TEP1: variants seen among roughly 807,000 people sequenced by gnomAD.
TEP1 encodes telomerase protein component 1.
TEP1 carries 241 observed loss-of-function variants against 306.3 expected under a neutral mutation model. The observed-to-expected ratio is 0.79, with a 90% confidence interval of 0.71 to 0.88. The LOEUF (loss-of-function observed/expected upper bound fraction) is 0.88. Among genes scored for constraint, TEP1 ranks in the 40% least tolerant of loss-of-function variants. The pLI is 0.00. For missense variants in TEP1, 3,051 were observed against 3,276.1 expected (o/e 0.93, Z 1.68); for synonymous variants, 1,289 against 1,305.5 (o/e 0.99, Z 0.27).
chr14:20,390,929 G>T lies in TEP1; in HGVS notation c.2256+9C>A, dbSNP rs1877653993. 2 of 1,614,070 alleles carry T rather than the reference G, an allele frequency of 1.2e-6. No homozygotes were observed. The highest frequency in any genetic ancestry group is 1.7e-6 in the Non-Finnish European group (2 of 1,179,954). On this transcript the variant is annotated intron_variant, in intron 14 of 54. Coordinates refer to ENST00000262715, the MANE Select transcript of TEP1 (RefSeq NM_007110.5). ...TGTATTTTTGGATGGTGGGTGTTGA[G>T]TGTCTGACCTGGACTTGAGCCTGGA...
At chr14:20,375,206 C>T (rs1885103808) in intron 43 of TEP1, among the ~76,000 whole-genome samples, 1 of 151,832 alleles carries the variant, frequency 6.6e-6, no homozygotes, top group Non-Finnish European at 1.5e-5. Flanking sequence ...GAGTTTCACT[C>T]TTGTTGCCCA....
At chr14:20,398,303 G>T (rs887828363) in intron 9 of TEP1, among the ~76,000 whole-genome samples, 9 of 151,416 alleles carry the variant, frequency 5.9e-5, no homozygotes, top group Non-Finnish European at 1.0e-4. Flanking sequence ...ACTTGAACCT[G>T]GGAGGCGGAG....
At chr14:20,377,525 A>T (rs781117929) in intron 40 of TEP1, 33 bp from the exon 41 acceptor site, 13 of 1,612,250 alleles carry the variant, frequency 8.1e-6, no homozygotes, top group Non-Finnish European at 1.1e-5. Context: ...GGAGTAAGAC[A>T]CTTGGGAAGG....
chr14:20,384,757 A>AG, intron 21 of TEP1, 44 bp from the exon 22 acceptor site: 1 of 1,577,852 alleles, frequency 6.3e-7, no homozygotes, highest in African/African-American at 1.3e-5. Flanking sequence ...CTCAGACCCC[A>AG]GCCAGCCTCC....
chr14:20,381,630 C>T lies in TEP1; in HGVS notation c.4481G>A (p.Gly1494Glu). The T allele has an allele frequency of 6.2e-7, 1 of 1,613,882 alleles. No individual in the cohort carries two copies. Among genetic ancestry groups the T allele is most frequent in the Non-Finnish European group, 8.5e-7 (1 of 1,179,950 alleles). ...RPGARLCLPD[G>E]PLRTAAKRCY... is the part of the protein sequence containing the mutation. ...ACGTTTAGCTGCTGTTCTCAGGGGC[C>T]CATCAGGGAGGCACAGCCGGGCACC... The change falls in exon 31 of 55, where the codon GGG becomes GAG. Residue 1494 changes from glycine (G) to glutamate (E), a missense_variant. Around this residue, in one of 3 missense-constraint regions of TEP1, gnomAD observed 1,540 missense variants for 1,705.9 expected, o/e 0.90. Transcript: ENST00000262715. The surrounding 1 kb of genome is among the most constrained non-coding windows in gnomAD (Gnocchi z 4.0).
chr14:20,380,282 G>A lies in TEP1; in HGVS notation c.4956C>T (p.His1652=), dbSNP rs1489496852. 5.6e-6 allele frequency: 9 copies of A among 1,614,074 alleles called. No homozygotes were observed. Among genetic ancestry groups the A allele is most frequent in the Non-Finnish European group, 7.6e-6 (9 of 1,180,040 alleles). ...SLLSRRWHLQ[H]TLRWLNKPRT... ...GGGGTTTATTAAGCCATCGTAGTGT[G>A]TGTTGGAGGTGCCATCTCCGGGAGA... The change falls in exon 34 of 55, where the codon CAC becomes CAT. Residue 1652 remains histidine (H), a synonymous_variant. Transcript: ENST00000262715.
chr14:20,391,314 G>A (rs2139115261), intron 13 of TEP1, among the ~76,000 whole-genome samples: 1 of 152,300 alleles, frequency 6.6e-6, no homozygotes, highest in East Asian at 1.9e-4. Context: ...TCAACACCGG[G>A]ATGTAGTGAG....
rs757247521 is a variant in TEP1, at chr14:20,395,875, A to C, written c.1734T>G (p.Ala578=). The part of the protein sequence containing the change: ...NAHDAIDALE[A]QLRNQALPFP... ...GGAGAATACCTTGATTTCTGAGTTG[A>C]GCCTCGAGGGCATCAATGGCATCAT... The change falls in exon 11 of 55, where the codon GCT becomes GCG. Residue 578 remains alanine (A), a synonymous_variant. Coordinates refer to ENST00000262715, the MANE Select transcript of TEP1 (RefSeq NM_007110.5). 4 of 1,613,936 alleles carry C rather than the reference A, an allele frequency of 2.5e-6. No individual in the cohort carries two copies. The highest frequency in any genetic ancestry group is 3.4e-6 in the Non-Finnish European group (4 of 1,179,884).
chr14:20,405,520 G>A lies in TEP1; in HGVS notation c.801C>T (p.Asp267=). ...TTTCAAAAATGGCAGCCAGGGTGGG[G>A]TCAGATGTATTGTTCATGTTTACTT... ...VSEVNMNNTS[D]PTLAAIFEIC... The change falls in exon 4 of 55, where the codon GAC becomes GAT. Residue 267 remains aspartate, a synonymous_variant. Coordinates refer to ENST00000262715, the MANE Select transcript of TEP1 (RefSeq NM_007110.5). 6.2e-7 allele frequency: 1 copy of A among 1,614,194 alleles called. No homozygotes were observed.
intron 9 of TEP1, among the ~76,000 whole-genome samples, chr14:20,399,580 T>C (rs1389863638): frequency 7.1e-6 from 1 of 141,724 alleles, no homozygotes; most frequent in Non-Finnish European, 1.5e-5. Flanking sequence ...CTTACATCTG[T>C]AATCCCAGCA....
intron 29 of TEP1, 21 bp downstream of exon 29, chr14:20,382,203 C>A (rs760794673): frequency 1.9e-6 from 3 of 1,613,986 alleles, no homozygotes; most frequent in Middle Eastern, 1.6e-4. Context: ...GCCTCCCAAC[C>A]AACCCACCCC....
intron 13 of TEP1, 129 bp downstream of exon 13, chr14:20,391,470 G>A (rs1477848624): frequency 2.6e-6 from 3 of 1,135,860 alleles, no homozygotes; most frequent in East Asian, 4.8e-5. Flanking sequence ...ATACTTGGAA[G>A]CAAATTCATA....
Position 20,408,059 on chromosome 14 carries a change from C to G in TEP1, c.381G>C (p.Leu127Phe), listed in dbSNP as rs368375484. 6.2e-6 allele frequency: 10 copies of G among 1,614,164 alleles called. No homozygotes were observed. In the African/African-American group the frequency reaches 6.7e-5, roughly 11 times the overall value. Residue 127 changes from leucine to phenylalanine, a missense_variant, in exon 2 of 55, where the codon TTG becomes TTC. Physicochemically the swap from Leu to Phe is conservative, Grantham distance 22. Coordinates refer to ENST00000262715, the MANE Select transcript of TEP1 (RefSeq NM_007110.5). Reference sequence around the variant, plus strand: ...TGTGAGATATCTGTAGACTCTGGAACAAGGGGCTGGCAGACACAGTGCTCT... The same window carrying G: ...TGTGAGATATCTGTAGACTCTGGAAGAAGGGGCTGGCAGACACAGTGCTCT... ...SLKSTVSASP[L>F]FQSLQISHMT...
In TEP1 at chr14:20,369,377, T is replaced by C; in HGVS notation, c.7623A>G (p.Pro2541=). The C allele has an allele frequency of 6.2e-7, 1 of 1,614,044 alleles. No homozygotes were observed. Reference sequence around the variant, plus strand: ...GCTGCCGTGTCTTTAGATGTGGTGTTGGCTCACTATCCATGCTGGCATCAC... The same window carrying C: ...GCTGCCGTGTCTTTAGATGTGGTGTCGGCTCACTATCCATGCTGGCATCAC... The part of the protein sequence containing the change: ...MDSDASMDSE[P]TPHLKTRQRR... The change falls in exon 53 of 55, where the codon CCA becomes CCG. Residue 2541 remains proline (P), a synonymous_variant. Transcript: ENST00000262715.
intron 37 of TEP1, 37 bp from the exon 38 acceptor site, chr14:20,378,572 G>C: frequency 6.2e-7 from 1 of 1,613,436 alleles, no homozygotes; most frequent in Non-Finnish European, 8.5e-7. Flanking sequence ...ATGCTGAAGA[G>C]AGATGCCTGA....
rs1456821524 is a variant in TEP1, at chr14:20,406,211, C to T, written c.735+22G>A. 3.7e-6 allele frequency: 6 copies of T among 1,613,246 alleles called. No homozygotes were observed. In the East Asian group the frequency reaches 1.1e-4, roughly 30 times the overall value. ...TCCCCTCCACACCATTATTAACCTT[C>T]CCCTAACTCTTGAATTTTTACCTTC... On this transcript the variant is annotated intron_variant, in intron 3 of 54. Transcript: ENST00000262715.
Position 20,403,792 on chromosome 14 carries a change from G to A in TEP1, c.1125C>T (p.Tyr375=), listed in dbSNP as rs138897266. The A allele has an allele frequency of 4.3e-6, 7 of 1,614,048 alleles. No individual in the cohort carries two copies. In the African/African-American group the frequency reaches 6.7e-5, roughly 15 times the overall value. The change falls in exon 6 of 55, where the codon TAC becomes TAT. Residue 375 remains tyrosine (Y), a synonymous_variant. Transcript: ENST00000262715. ...MTDKFAQFDE[Y]QLAKYNPRKH... ...TCCGAGGGTTGTACTTAGCCAGCTG[G>A]TACTCGTCAAACTGGGCAAATTTGT... is the stretch of plus-strand genomic sequence containing the variant.
chr14:20,384,154 G>A lies in TEP1; in HGVS notation c.3418C>T (p.Pro1140Ser), dbSNP rs748832660. Residue 1140 changes from proline (P) to serine (S), a missense_variant, in exon 24 of 55, where the codon CCA becomes TCA. Physicochemically the swap from Pro to Ser is moderately conservative, Grantham distance 74. Around this residue, in one of 3 missense-constraint regions of TEP1, gnomAD observed 1,507 missense variants for 1,550.5 expected, o/e 0.97. Transcript: ENST00000262715. Reference sequence around the variant, plus strand: ...AGGCGTGGCCGGGCAGGACTCGGTGGCTTCTGCAGCTGCTGGAAGGTGGCC... The same window carrying A: ...AGGCGTGGCCGGGCAGGACTCGGTGACTTCTGCAGCTGCTGGAAGGTGGCC... ...VQATFQQLQK[P>S]PSPARPRLLQ... 1.1e-5 allele frequency: 17 copies of A among 1,614,202 alleles called. No homozygotes were observed. The highest frequency in any genetic ancestry group is 1.7e-5 in the Admixed American group (1 of 60,030).
chr14:20,399,632 T>TAAAAAAA (rs71416944), intron 9 of TEP1, among the ~76,000 whole-genome samples: 3 of 78,610 alleles, frequency 3.8e-5, no homozygotes, highest in East Asian at 3.5e-4. Context: ...CCCTGTTTCT[T>TAAAAAAA]AAAAAAAAAA....
Sources: gnomAD v4.1 joint callset for allele counts (sites outside exome capture counted in the v4.1 genomes callset) on GRCh38, gnomAD v4.1.1 for gene constraint, gnomAD v4.1.1 regional missense constraint, Gnocchi (gnomAD v3.1) non-coding constraint, MANE v1.5 for transcripts, NCBI Gene and HGNC (gene_info 2026-07-23, HGNC 2026-07-21) for gene names.